CC2D2B: variants seen among roughly 807,000 people sequenced by gnomAD.
CC2D2B encodes the protein protein CC2D2B.
In CC2D2B, 128 loss-of-function variants were observed where a neutral mutation model predicts 161.2. The ratio of observed to expected loss-of-function variants is 0.79; its 90% CI spans 0.69 to 0.92. CC2D2B has a LOEUF of 0.92. Ranked by LOEUF, CC2D2B falls within the 40% of genes least tolerant of loss-of-function variation. The pLI, the probability that CC2D2B is intolerant of heterozygous loss-of-function variation, is 0.00. For synonymous variants in CC2D2B, 391 were observed against 449.8 expected (o/e 0.87, Z 1.65); for missense variants, 1,173 against 1,375.1 (o/e 0.85, Z 2.32).
At chr10:95,914,200 C>A (rs191602672) in intron 2 of CC2D2B, among the ~76,000 whole-genome samples, 1 of 152,166 alleles carries the variant, frequency 6.6e-6, no homozygotes, top group East Asian at 1.9e-4. Context: ...CTTTCCCAGC[C>A]CCCTTTATTA....
chr10:96,024,989 C>T (rs2079631224), intron 33 of CC2D2B, 78 bp downstream of exon 33: 2 of 762,678 alleles, frequency 2.6e-6, no homozygotes, highest in Non-Finnish European at 2.1e-6. Flanking sequence ...CCTGCTAGAT[C>T]AGCAACAGAA....
intron 24 of CC2D2B, among the ~76,000 whole-genome samples, chr10:95,999,465 T>C (rs1269955309): frequency 6.6e-6 from 1 of 152,148 alleles, no homozygotes; most frequent in African/African-American, 2.4e-5. Context: ...TTTTTTTTCT[T>C]TTTGGAAATT....
At chr10:95,915,087 T>C (rs189595373) in intron 2 of CC2D2B, among the ~76,000 whole-genome samples, 11 of 152,314 alleles carry the variant, frequency 7.2e-5, no homozygotes, top group South Asian at 6.2e-4. Context: ...CTCTTCAGTT[T>C]CTTGCATTTT....
At chr10:96,001,921 T>C (rs1157024986) in intron 24 of CC2D2B, among the ~76,000 whole-genome samples, 1 of 152,202 alleles carries the variant, frequency 6.6e-6, no homozygotes, top group Non-Finnish European at 1.5e-5. Context: ...AAGGAAATTA[T>C]TGACTTAAAG....
chr10:95,969,644 C>G (rs557128981), intron 15 of CC2D2B, among the ~76,000 whole-genome samples: 1 of 152,082 alleles, frequency 6.6e-6, no homozygotes, highest in East Asian at 1.9e-4. Flanking sequence ...TTATTCTCTC[C>G]TGATAGATGT....
At chr10:96,018,911 C>T (rs961935807) in intron 30 of CC2D2B, 4 of 213,126 alleles carry the variant, frequency 1.9e-5, no homozygotes, top group South Asian at 1.1e-4. Context: ...GATCCTCCCA[C>T]CTTAGCCTCC....
intron 17 of CC2D2B, among the ~76,000 whole-genome samples, chr10:95,975,395 T>G (rs1024263224): frequency 1.3e-5 from 2 of 152,160 alleles, no homozygotes; most frequent in Non-Finnish European, 2.9e-5. Context: ...AGATCGTTGG[T>G]ATGGACGAAA....
chr10:95,916,500 T>A (rs1464837971), intron 2 of CC2D2B, among the ~76,000 whole-genome samples: 1 of 152,118 alleles, frequency 6.6e-6, no homozygotes, highest in African/African-American at 2.4e-5. Context: ...ATTTTAATTT[T>A]TTTTCTTTTA....
At chr10:95,924,281 C>T in intron 3 of CC2D2B, 33 bp from the exon 4 acceptor site, 2 of 1,163,752 alleles carry the variant, frequency 1.7e-6, no homozygotes, top group Middle Eastern at 2.0e-4. Flanking sequence ...AATAAAGTGT[C>T]ATAAACTCTT....
rs1280616625 is a variant in CC2D2B at position 96,029,259 on chromosome 10, T to C, written c.4125+1870T>C. On this transcript the variant is annotated intron_variant, in intron 34 of 34. Coordinates refer to ENST00000646931, the MANE Select transcript of CC2D2B (RefSeq NM_001349008.3). ...CATGTACCATATATATATATATATA[T>C]ATATATATATATATATATATATATA... Among the ~76,000 whole-genome samples, 11 of 45,178 alleles carry C rather than the reference T, an allele frequency of 2.4e-4. No individual in the cohort carries two copies. The East Asian group carries it at 8.1e-3, about 33-fold the overall frequency. The allele number at this position is 45,178 out of a possible 152,430, so 29.6% of individuals were successfully genotyped here.
chr10:95,945,577 G>A (rs907277640), intron 9 of CC2D2B, among the ~76,000 whole-genome samples: 3 of 151,994 alleles, frequency 2.0e-5, no homozygotes. Flanking sequence ...TATTTACATA[G>A]ATTTTTATAT....
chr10:96,025,264 G>A (rs796888777), intron 33 of CC2D2B, among the ~76,000 whole-genome samples: 9 of 139,172 alleles, frequency 6.5e-5, no homozygotes, highest in African/African-American at 2.2e-4. Flanking sequence ...GTGACTAAGA[G>A]GGGGAGGATC....
At chr10:96,021,103 T>C (rs1397645352) in intron 32 of CC2D2B, 2 of 151,950 alleles carry the variant, frequency 1.3e-5, no homozygotes, top group African/African-American at 4.8e-5. Flanking sequence ...CAAAAAAAAA[T>C]GTGTGATCAT....
chr10:96,012,138 G>C (rs938114400), intron 26 of CC2D2B, 47 bp from the exon 27 acceptor site: 3 of 573,218 alleles, frequency 5.2e-6, no homozygotes, highest in Non-Finnish European at 9.4e-6. Flanking sequence ...TTTGACTGAT[G>C]TTTATTTTCA....
At chr10:95,988,653 C>G (rs1463597591) in intron 20 of CC2D2B, among the ~76,000 whole-genome samples, 1 of 152,212 alleles carries the variant, frequency 6.6e-6, no homozygotes, top group African/African-American at 2.4e-5. Flanking sequence ...TTTGCCAGAA[C>G]TCATATTTAC....
intron 31 of CC2D2B, 157 bp from the exon 32 acceptor site, chr10:96,019,545 T>C: frequency 1.2e-6 from 1 of 833,466 alleles, no homozygotes; most frequent in Non-Finnish European, 1.9e-6. Flanking sequence ...CTAATGATCA[T>C]GAAACCCTAG....
At chr10:96,021,027 A>G (rs2079432381) in intron 32 of CC2D2B, 2 of 152,222 alleles carry the variant, frequency 1.3e-5, no homozygotes, top group Non-Finnish European at 2.9e-5. Context: ...AGCCTACTGC[A>G]AGACCTTTTC....
chr10:95,954,342 C>T (rs1408435161), intron 10 of CC2D2B, among the ~76,000 whole-genome samples: 1 of 152,074 alleles, frequency 6.6e-6, no homozygotes, highest in Non-Finnish European at 1.5e-5. Flanking sequence ...CCCAAAAGAG[C>T]AGCCTAATAT....
At chr10:95,932,075 A>G (rs905741794) in intron 6 of CC2D2B, among the ~76,000 whole-genome samples, 1 of 152,136 alleles carries the variant, frequency 6.6e-6, no homozygotes, top group Admixed American at 6.5e-5. Context: ...TGTTGGATGC[A>G]TATATATATT....
Sources: allele counts gnomAD v4.1 joint callset (sites outside exome capture counted in the v4.1 genomes callset), GRCh38; gene constraint gnomAD v4.1.1; transcripts MANE v1.5; gene names NCBI Gene and HGNC (gene_info 2026-07-23, HGNC 2026-07-21).